The following MAP2 variants were observed in gnomAD, a reference collection of about 807,000 sequenced individuals.
MAP2 encodes microtubule-associated protein 2.
Under a neutral mutation model 137.6 loss-of-function variants are expected in MAP2, and 14 were observed. That is an observed-to-expected ratio of 0.10 (90% CI 0.07 to 0.16). The LOEUF (loss-of-function observed/expected upper bound fraction) is 0.16. MAP2 is among the 10% of genes least tolerant of loss of function. The probability of loss-of-function intolerance (pLI) is 1.00; values close to 1 mark genes in which losing one functional copy is unlikely to be tolerated. For missense variants in MAP2, 2,088 were observed against 2,191.5 expected (o/e 0.95, Z 0.94); for synonymous variants, 786 against 782.3 (o/e 1.00, Z -0.08).
intron 2 of MAP2, among the ~76,000 whole-genome samples, chr2:209,559,479 C>CAAAAAAAAAAAA (rs59788211): frequency 8.0e-5 from 3 of 37,534 alleles, no homozygotes; most frequent in African/African-American, 1.6e-4. Flanking sequence ...GCCAAAAATA[C>CAAAAAAAAAAAA]AAAAAAAAAA....
intron 1 of MAP2, among the ~76,000 whole-genome samples, chr2:209,472,752 C>T (rs180793997): frequency 5.7e-4 from 86 of 152,056 alleles, no homozygotes; most frequent in African/African-American, 1.9e-3. Flanking sequence ...AAATTATTGC[C>T]GTCACTGAAA....
intron 3 of MAP2, among the ~76,000 whole-genome samples, chr2:209,619,918 G>T (rs2090632049): frequency 6.6e-6 from 1 of 152,140 alleles, no homozygotes; most frequent in African/African-American, 2.4e-5. Flanking sequence ...GTAAGAGGAA[G>T]TGATGTGTGT....
intron 4 of MAP2, among the ~76,000 whole-genome samples, chr2:209,638,779 C>T (rs1238204533): frequency 6.6e-6 from 1 of 152,068 alleles, no homozygotes; most frequent in Non-Finnish European, 1.5e-5. Flanking sequence ...AACACATCTG[C>T]CTTTCTGAAT....
intron 11 of MAP2, among the ~76,000 whole-genome samples, chr2:209,703,373 G>A (rs757169794): frequency 2.0e-5 from 3 of 151,956 alleles, no homozygotes; most frequent in Non-Finnish European, 2.9e-5. Context: ...CTTGAAACAT[G>A]ATTAAGATAT....
At chr2:209,719,802 A>C (rs1382704616) in intron 13 of MAP2, among the ~76,000 whole-genome samples, 1 of 152,238 alleles carries the variant, frequency 6.6e-6, no homozygotes, top group African/African-American at 2.4e-5. Context: ...GAATTTTTTA[A>C]TGTCATTAAC....
chr2:209,510,513 A>G (rs770437157), intron 2 of MAP2, among the ~76,000 whole-genome samples: 20 of 152,104 alleles, frequency 1.3e-4, no homozygotes, highest in Non-Finnish European at 2.8e-4. Flanking sequence ...TGAGGTGAGT[A>G]ACGTGTACAT....
At chr2:209,675,715 T>A (rs1419722253) in intron 5 of MAP2, among the ~76,000 whole-genome samples, 1 of 151,720 alleles carries the variant, frequency 6.6e-6, no homozygotes, top group Non-Finnish European at 1.5e-5. Context: ...AATACTGAAA[T>A]AATGTAGAGT....
intron 5 of MAP2, among the ~76,000 whole-genome samples, chr2:209,655,638 G>A (rs2095092905): frequency 6.6e-6 from 1 of 152,094 alleles, no homozygotes; most frequent in Admixed American, 6.5e-5. Context: ...TCCCAAATAT[G>A]GTATTTAGAA....
chr2:209,459,181 C>T (rs1037567598), intron 1 of MAP2, among the ~76,000 whole-genome samples: 1 of 152,028 alleles, frequency 6.6e-6, no homozygotes, highest in Non-Finnish European at 1.5e-5. Flanking sequence ...AATTATGGCT[C>T]CACTCTTTAT....
intron 5 of MAP2, among the ~76,000 whole-genome samples, chr2:209,677,630 A>G (rs773722159): frequency 5.9e-5 from 9 of 152,028 alleles, no homozygotes; most frequent in Non-Finnish European, 1.0e-4. Context: ...GACTGTTAGA[A>G]AGTTTTGTGA....
At chr2:209,540,630 CAAAAAAAAAAAAAAAA>C (rs749183996) in intron 2 of MAP2, among the ~76,000 whole-genome samples, 25 of 27,592 alleles carry the variant, frequency 9.1e-4, no homozygotes, top group Non-Finnish European at 1.3e-3. Flanking sequence ...GACTCCGTCT[CAAAAAAAAAAAAAAAA>C]AAAAAAAAAA....
intron 7 of MAP2, among the ~76,000 whole-genome samples, chr2:209,691,327 A>G (rs1038252234): frequency 1.3e-4 from 20 of 152,146 alleles, no homozygotes; most frequent in South Asian, 2.1e-4. Flanking sequence ...TTATGCTTCA[A>G]TGAATACTGG....
intron 3 of MAP2, among the ~76,000 whole-genome samples, chr2:209,586,027 A>C (rs1579250047): frequency 6.6e-6 from 1 of 152,132 alleles, no homozygotes; most frequent in African/African-American, 2.4e-5. Context: ...CCTAGTTTTA[A>C]ATCTGGGTCT....
intron 4 of MAP2, among the ~76,000 whole-genome samples, chr2:209,649,905 TA>T (rs1161741433): frequency 6.6e-6 from 1 of 152,220 alleles, no homozygotes; most frequent in Admixed American, 6.5e-5. Flanking sequence ...TAGTTTTTAT[TA>T]ACTAATTTTA....
intron 5 of MAP2, among the ~76,000 whole-genome samples, chr2:209,667,314 A>G (rs1438124355): frequency 6.6e-6 from 1 of 152,022 alleles, no homozygotes; most frequent in Non-Finnish European, 1.5e-5. Context: ...GAGAGTTTTT[A>G]CTTTTACAGT....
chr2:209,719,626 A>G (rs369281264), intron 13 of MAP2, among the ~76,000 whole-genome samples: 47 of 152,342 alleles, frequency 3.1e-4, no homozygotes, highest in African/African-American at 7.7e-4. Context: ...ACAATTAAAT[A>G]TATGCAGAGA....
chr2:209,468,854 G>A (rs953436129), intron 1 of MAP2, among the ~76,000 whole-genome samples: 2 of 152,090 alleles, frequency 1.3e-5, no homozygotes, highest in African/African-American at 4.8e-5. Context: ...GAAACAGGAG[G>A]CAGAGGCACA....
chr2:209,653,277 G>A lies in MAP2; in HGVS notation c.107G>A (p.Gly36Glu). ...SHPPEIKDQG[G>E]AGEGLVRSAN... ...CCACCTGAGATTAAGGATCAAGGCG[G>A]AGCAGGGGAAGGACTTGTCCGAAGC... Residue 36 changes from glycine to glutamate, a missense_variant, in exon 5 of 16, where the codon GGA (glycine) becomes GAA (glutamate). Gly to Glu is a moderately conservative substitution (Grantham distance 98). Transcript: ENST00000682079. 2 of 1,614,144 alleles carry A rather than the reference G, an allele frequency of 1.2e-6. No individual in the cohort carries two copies. Among genetic ancestry groups the A allele is most frequent in the Non-Finnish European group, 1.7e-6 (2 of 1,180,014 alleles).
chr2:209,530,236 C>G (rs1485722442), intron 2 of MAP2, among the ~76,000 whole-genome samples: 1 of 152,098 alleles, frequency 6.6e-6, no homozygotes, highest in Non-Finnish European at 1.5e-5. Flanking sequence ...CCTTTACACA[C>G]ATTTCTGACT....
Sources: gnomAD v4.1 joint callset for allele counts (sites outside exome capture counted in the v4.1 genomes callset) on GRCh38, gnomAD v4.1.1 for gene constraint, MANE v1.5 for transcripts, NCBI Gene and HGNC (gene_info 2026-07-23, HGNC 2026-07-21) for gene names.